Variants in EHBP1 observed in about 807,000 individuals in gnomAD.
EHBP1 encodes EH domain-binding protein 1.
EHBP1 carries 55 observed loss-of-function variants against 144.0 expected under a neutral mutation model. The ratio of observed to expected loss-of-function variants is 0.38; its 90% CI spans 0.31 to 0.48. The LOEUF (loss-of-function observed/expected upper bound fraction) is 0.48. EHBP1 is among the 20% of genes least tolerant of loss of function. The pLI, the probability that EHBP1 is intolerant of heterozygous loss-of-function variation, is 0.98. For missense variants in EHBP1, 1,200 were observed against 1,364.2 expected, an observed-to-expected ratio of 0.88 and a Z score of 1.90; for synonymous variants, 469 against 472.7, an observed-to-expected ratio of 0.99 and a Z score of 0.10.
At chr2:62,802,838 C>T (rs1447387704) in intron 5 of EHBP1, among the ~76,000 whole-genome samples, 1 of 151,514 alleles carries the variant, frequency 6.6e-6, no homozygotes, top group Non-Finnish European at 1.5e-5. Context: ...AATTCTCCTG[C>T]CTCAACCTCC....
chr2:62,703,580 T>C (rs1470223810), upstream of EHBP1, among the ~76,000 whole-genome samples: 2 of 152,218 alleles, frequency 1.3e-5, no homozygotes, highest in Non-Finnish European at 2.9e-5. Flanking sequence ...TTCACTCATT[T>C]AGTAAACGAT....
At chr2:62,750,558 A>G (rs898896413) in intron 3 of EHBP1, among the ~76,000 whole-genome samples, 2 of 152,302 alleles carry the variant, frequency 1.3e-5, no homozygotes, top group South Asian at 2.1e-4. Flanking sequence ...CATTGAATCT[A>G]TAAATTACCT....
chr2:62,855,030 G>A (rs1490351220), intron 7 of EHBP1, among the ~76,000 whole-genome samples: 1 of 152,180 alleles, frequency 6.6e-6, no homozygotes, highest in African/African-American at 2.4e-5. Context: ...GTGGACCTGG[G>A]CCTCCCACTG....
At chr2:63,005,060 A>G (rs1039673747) in intron 19 of EHBP1, among the ~76,000 whole-genome samples, 10 of 152,142 alleles carry the variant, frequency 6.6e-5, no homozygotes, top group Admixed American at 1.3e-4. Flanking sequence ...ATTTCTGAAT[A>G]TACTTAAATA....
At chr2:63,031,297 G>C (rs1478630628) in intron 19 of EHBP1, among the ~76,000 whole-genome samples, 1 of 151,584 alleles carries the variant, frequency 6.6e-6, no homozygotes, top group Non-Finnish European at 1.5e-5. Flanking sequence ...AGAGCTGTCA[G>C]GGGGAGGCAT....
At chr2:62,893,290 T>C (rs1361444622) in intron 10 of EHBP1, among the ~76,000 whole-genome samples, 1 of 152,194 alleles carries the variant, frequency 6.6e-6, no homozygotes, top group East Asian at 1.9e-4. Flanking sequence ...GTAACCTGAG[T>C]ATTTTTATTA....
chr2:62,677,073 A>G (rs1048303932), intron 1 of EHBP1, among the ~76,000 whole-genome samples: 17 of 152,170 alleles, frequency 1.1e-4, no homozygotes, highest in Middle Eastern at 3.4e-3. Flanking sequence ...TCGGGGAGGG[A>G]CAGGTAGAGC....
rs2034660252 is a variant in EHBP1, at chr2:62,707,038, CAG to C, written c.-153_-152del. The C allele has an allele frequency of 3.3e-6, 2 of 604,768 alleles. No individual in the cohort carries two copies. Among genetic ancestry groups the C allele is most frequent in the Non-Finnish European group, 3.0e-6 (1 of 334,878 alleles). The allele number at this position is 604,768 out of a possible 1,614,324, so 37.5% of individuals were successfully genotyped here. On this transcript the variant is annotated 5_prime_UTR_variant, in exon 2 of 23. Transcript: ENST00000431489. ...CTAAGATGGGATTTACCCTGTGAAA[CAG>C]GGAGAAGACTTATGGACCCCAAGCA...
intron 10 of EHBP1, among the ~76,000 whole-genome samples, chr2:62,926,487 C>CA (rs2153025257): frequency 6.6e-6 from 1 of 151,862 alleles, no homozygotes; most frequent in African/African-American, 2.4e-5. Context: ...TCCCAATAGC[C>CA]AAAAAACAAT....
At chr2:62,932,804 A>C (rs990755225) in intron 10 of EHBP1, among the ~76,000 whole-genome samples, 5 of 152,036 alleles carry the variant, frequency 3.3e-5, no homozygotes, top group Non-Finnish European at 5.9e-5. Flanking sequence ...AAATACAAAA[A>C]TTAGCTGGGC....
intron 5 of EHBP1, among the ~76,000 whole-genome samples, chr2:62,789,966 A>G (rs1241439387): frequency 2.6e-5 from 4 of 152,196 alleles, no homozygotes; most frequent in Admixed American, 2.0e-4. Context: ...ATGTCAGCGA[A>G]TATAATTTGT....
At chr2:62,726,156 A>G (rs942456203) in intron 2 of EHBP1, among the ~76,000 whole-genome samples, 1 of 152,140 alleles carries the variant, frequency 6.6e-6, no homozygotes, top group Non-Finnish European at 1.5e-5. Flanking sequence ...GTGCCCTATT[A>G]CAGATGCTCC....
chr2:62,750,321 C>G (rs538140378), intron 3 of EHBP1, among the ~76,000 whole-genome samples: 1 of 152,232 alleles, frequency 6.6e-6, no homozygotes, highest in South Asian at 2.1e-4. Context: ...TCTGAGGGCT[C>G]TGTTCTGTTC....
chr2:62,841,183 C>T (rs956832419), intron 7 of EHBP1, among the ~76,000 whole-genome samples: 2 of 152,046 alleles, frequency 1.3e-5, no homozygotes, highest in African/African-American at 4.8e-5. Flanking sequence ...AGTTCATGTC[C>T]TTTGTATGGA....
At chr2:62,710,113 T>G (rs1363637697) in intron 2 of EHBP1, among the ~76,000 whole-genome samples, 1 of 152,166 alleles carries the variant, frequency 6.6e-6, no homozygotes, top group Non-Finnish European at 1.5e-5. Flanking sequence ...ATTTCTCAGT[T>G]TACTTTCTGT....
chr2:62,960,215 T>C (rs1487069167), intron 14 of EHBP1, among the ~76,000 whole-genome samples: 1 of 152,174 alleles, frequency 6.6e-6, no homozygotes, highest in Non-Finnish European at 1.5e-5. Flanking sequence ...CTACTCAGCA[T>C]GGCCTCATGT....
At chr2:62,747,260 T>C (rs1436451419) in intron 2 of EHBP1, 135 bp from the exon 3 acceptor site, 7 of 658,144 alleles carry the variant, frequency 1.1e-5, no homozygotes, top group Non-Finnish European at 1.5e-5. Flanking sequence ...TCTACTATAT[T>C]TGATAGAGCT....
chr2:62,762,005 T>A (rs948988245), intron 3 of EHBP1, among the ~76,000 whole-genome samples: 11 of 152,212 alleles, frequency 7.2e-5, no homozygotes, highest in African/African-American at 2.6e-4. Context: ...GTAAAGTTAT[T>A]AATGCCTTCT....
chr2:62,872,993 C>T (rs2050605204), intron 9 of EHBP1, among the ~76,000 whole-genome samples: 1 of 152,174 alleles, frequency 6.6e-6, no homozygotes, highest in Non-Finnish European at 1.5e-5. Context: ...TGCCAGCACA[C>T]TGTTGTCTCA....
Sources: allele counts gnomAD v4.1 joint callset (sites outside exome capture counted in the v4.1 genomes callset), GRCh38; gene constraint gnomAD v4.1.1; transcripts MANE v1.5; gene names NCBI Gene and HGNC (gene_info 2026-07-23, HGNC 2026-07-21).